HNMT: variants seen among roughly 807,000 people sequenced by gnomAD.
HNMT encodes the protein histamine N-methyltransferase.
HNMT carries 30 observed loss-of-function variants against 32.1 expected under a neutral mutation model. That is an observed-to-expected ratio of 0.93 (90% CI 0.70 to 1.27). The LOEUF (loss-of-function observed/expected upper bound fraction) is 1.27. Ranked by LOEUF, HNMT falls within the 50% of genes most tolerant of loss-of-function variation. The pLI is 0.00. For synonymous variants in HNMT, 125 were observed against 119.0 expected, an observed-to-expected ratio of 1.05 and a Z score of -0.33; for missense variants, 327 against 346.0, an observed-to-expected ratio of 0.95 and a Z score of 0.43.
chr2:137,978,300 G>A (rs115041397), intron 2 of HNMT, among the ~76,000 whole-genome samples: 3,849 of 145,954 alleles, frequency 0.026, 80 homozygotes, highest in Middle Eastern at 0.07. Context: ...AGTTATGTAT[G>A]TATATATTAA....
intron 5 of HNMT, 48 bp from the exon 6 acceptor site, chr2:138,013,727 A>C (rs1681578528): frequency 6.9e-7 from 1 of 1,458,846 alleles, no homozygotes; most frequent in African/African-American, 1.4e-5. Flanking sequence ...GCAGACTGCA[A>C]ATGAAAGAAA....
At chr2:137,964,729 A>G (rs950118111) in intron 1 of HNMT, 101 bp downstream of exon 1, 187 of 1,186,310 alleles carry the variant, frequency 1.6e-4, no homozygotes, top group Middle Eastern at 2.1e-4. Flanking sequence ...GCACAGGGAT[A>G]AGGGCGAATT....
chr2:137,975,517 C>T (rs950232514), intron 2 of HNMT, among the ~76,000 whole-genome samples: 2 of 152,106 alleles, frequency 1.3e-5, no homozygotes, highest in African/African-American at 4.8e-5. Context: ...TTTGGAGTCC[C>T]AGGATTTTAT....
chr2:137,968,598 A>G (rs1044310340), intron 1 of HNMT, among the ~76,000 whole-genome samples: 45 of 152,342 alleles, frequency 3.0e-4, no homozygotes, highest in African/African-American at 9.4e-4. Flanking sequence ...GTAACCTGGG[A>G]TTTCAACTTG....
intron 2 of HNMT, chr2:137,981,552 T>C (rs1680500972): frequency 1.7e-6 from 1 of 597,948 alleles, no homozygotes; most frequent in African/African-American, 1.8e-5. Flanking sequence ...GCCTGTTTTA[T>C]TCACTGCTAC....
At chr2:137,967,939 G>GT (rs933134363) in intron 1 of HNMT, among the ~76,000 whole-genome samples, 2 of 152,060 alleles carry the variant, frequency 1.3e-5, no homozygotes, top group African/African-American at 4.8e-5. Flanking sequence ...AAGAGCCTTG[G>GT]TTTTCTATTC....
At chr2:137,972,885 T>A (rs1680177385) in intron 2 of HNMT, among the ~76,000 whole-genome samples, 1 of 152,214 alleles carries the variant, frequency 6.6e-6, no homozygotes. Flanking sequence ...TTTATCCAGA[T>A]GCTTATAAGC....
chr2:137,977,460 A>C (rs1448858064), intron 2 of HNMT, among the ~76,000 whole-genome samples: 1 of 152,094 alleles, frequency 6.6e-6, no homozygotes, highest in African/African-American at 2.4e-5. Flanking sequence ...TATATGCCTG[A>C]AGGGGATTGG....
At position 137,973,779 on chromosome 2, in the gene HNMT, T is replaced by TTGG. The variant is rs397701047; in HGVS notation, c.190+3562_190+3563insTGG. ...ACCACTTAATTCTCATGGTTTTTTT[T>TTGG]GGGGGGGGGTGGTCTATTTGATTTT... On this transcript the variant is annotated intron_variant, in intron 2 of 5. Coordinates refer to ENST00000280097, the MANE Select transcript of HNMT (RefSeq NM_006895.3). Among the ~76,000 whole-genome samples the TTGG allele has an allele frequency of 2.0e-5, 3 of 148,314 alleles. 1 individual carries two copies. Among genetic ancestry groups the TTGG allele is most frequent in the South Asian group, 4.4e-4 (2 of 4,566 alleles).
intron 2 of HNMT, among the ~76,000 whole-genome samples, chr2:137,989,622 G>T (rs796776838): frequency 2.0e-5 from 3 of 152,334 alleles, no homozygotes; most frequent in African/African-American, 7.2e-5. Context: ...CAAGGAGCTT[G>T]ATTACTGAAT....
At chr2:137,974,402 T>C (rs1680225365) in intron 2 of HNMT, among the ~76,000 whole-genome samples, 1 of 152,310 alleles carries the variant, frequency 6.6e-6, no homozygotes, top group Admixed American at 6.5e-5. Flanking sequence ...ATTAAACCTC[T>C]TGATGGGGGT....
chr2:138,007,518 A>G (rs1055182704), intron 5 of HNMT, among the ~76,000 whole-genome samples: 4 of 152,010 alleles, frequency 2.6e-5, no homozygotes, highest in African/African-American at 9.7e-5. Flanking sequence ...TTAAAGATCC[A>G]GAGTAAATGA....
intron 2 of HNMT, among the ~76,000 whole-genome samples, chr2:137,980,665 C>G (rs950574724): frequency 6.6e-6 from 1 of 152,164 alleles, no homozygotes; most frequent in Non-Finnish European, 1.5e-5. Flanking sequence ...GCAAAACCCT[C>G]AGGCAGTAGA....
At chr2:137,972,058 T>A (rs1470995219) in intron 2 of HNMT, among the ~76,000 whole-genome samples, 2 of 152,230 alleles carry the variant, frequency 1.3e-5, no homozygotes, top group East Asian at 3.9e-4. Flanking sequence ...AACACAAAGA[T>A]AACTAAGAGC....
rs1262556281 is a variant in HNMT at position 138,015,415 on chromosome 2, G to C, written c.*1285G>C. On this transcript the variant is annotated 3_prime_UTR_variant, in exon 6 of 6. Transcript: ENST00000280097. ...TGCAATAGGGCTTCCATGTAATGTTGCCGTATAATCACTTTAAAAAGTTAA... is the reference window on the plus strand; with the variant it reads ...TGCAATAGGGCTTCCATGTAATGTTCCCGTATAATCACTTTAAAAAGTTAA... 6 of 152,016 alleles carry C rather than the reference G, an allele frequency of 3.9e-5. No individual in the cohort carries two copies. In the East Asian group the frequency reaches 1.2e-3, roughly 29 times the overall value. 9.4% of individuals were successfully genotyped at this position (152,016 alleles called of 1,614,324 possible).
At chr2:137,986,270 T>C (rs1680649937) in intron 2 of HNMT, among the ~76,000 whole-genome samples, 1 of 150,622 alleles carries the variant, frequency 6.6e-6, no homozygotes, top group Non-Finnish European at 1.5e-5. Context: ...ACAATTTATA[T>C]ATATATACCT....
In HNMT at chr2:138,014,208, C is replaced by G; in HGVS notation, c.*78C>G. 1 of 905,196 alleles carries G rather than the reference C, an allele frequency of 1.1e-6. No homozygotes were observed. The highest frequency in any genetic ancestry group is 1.7e-6 in the Non-Finnish European group (1 of 598,104). 56.1% of individuals were successfully genotyped at this position (905,196 alleles called of 1,614,324 possible). Reference sequence around the variant, plus strand: ...CTCATTTATTTCCATATTAAAATCACAAACTCATCCATTAATGTAGATAAA... The same window carrying G: ...CTCATTTATTTCCATATTAAAATCAGAAACTCATCCATTAATGTAGATAAA... On this transcript the variant is annotated 3_prime_UTR_variant, in exon 6 of 6. Transcript: ENST00000280097.
chr2:138,011,614 G>T (rs1023714151), intron 5 of HNMT, among the ~76,000 whole-genome samples: 1 of 152,092 alleles, frequency 6.6e-6, no homozygotes, highest in African/African-American at 2.4e-5. Context: ...GCAGAACTGT[G>T]TGGGTATGTA....
At position 138,016,216 on chromosome 2, in the gene HNMT, T is replaced by G. The variant is rs1022672612; in HGVS notation, c.*2086T>G. The G allele has an allele frequency of 1.3e-5, 2 of 152,164 alleles. No individual in the cohort carries two copies. The highest frequency in any genetic ancestry group is 2.9e-5 in the Non-Finnish European group (2 of 68,028). 9.4% of individuals were successfully genotyped at this position (152,164 alleles called of 1,614,324 possible). On this transcript the variant is annotated 3_prime_UTR_variant, in exon 6 of 6. Coordinates refer to ENST00000280097, the MANE Select transcript of HNMT (RefSeq NM_006895.3). The stretch of plus-strand genomic sequence containing the variant: ...TCTCTCAGTGTTTAACATGGTGCCT[T>G]GCATATGGTAAATGCTAAGTAAAGC...
Sources: allele counts gnomAD v4.1 joint callset (sites outside exome capture counted in the v4.1 genomes callset), GRCh38; gene constraint gnomAD v4.1.1; transcripts MANE v1.5; gene names NCBI Gene and HGNC (gene_info 2026-07-23, HGNC 2026-07-21).